The following PLEKHM2 variants were observed in gnomAD, a reference collection of about 807,000 sequenced individuals.
The protein encoded by PLEKHM2 is pleckstrin homology and RUN domain containing M2.
PLEKHM2 carries 77 observed loss-of-function variants against 116.3 expected under a neutral mutation model. The observed-to-expected ratio is 0.66, with a 90% CI of 0.55 to 0.80. The LOEUF (loss-of-function observed/expected upper bound fraction) is 0.80. PLEKHM2 is among the 30% of genes least tolerant of loss of function. The pLI is 0.00. For missense variants in PLEKHM2, 1,183 were observed against 1,354.9 expected, an observed-to-expected ratio of 0.87 and a Z score of 1.99; for synonymous variants, 562 against 571.0, an observed-to-expected ratio of 0.98 and a Z score of 0.22.
chr1:15,716,258 T>A lies in PLEKHM2; in HGVS notation c.82T>A (p.Cys28Ser). 6.3e-7 allele frequency: 1 copy of A among 1,599,134 alleles called. No individual in the cohort carries two copies. Among genetic ancestry groups the A allele is most frequent in the Non-Finnish European group, 8.5e-7 (1 of 1,171,922 alleles). ...TCAGTTGCAGAGCTATTTTGCTGCA[T>A]GTGAGGATGAGATCCCTGCCATCCG... Reference protein sequence around the residue: ...VKKLQSYFAACEDEIPAIRNH... With the variant: ...VKKLQSYFAASEDEIPAIRNH... The change falls in exon 2 of 20, where the codon TGT (cysteine) becomes AGT (serine). Residue 28 changes from cysteine to serine, a missense_variant. By Grantham distance (112) the Cys-to-Ser change is moderately radical (BLOSUM62 -1). Around this residue, in one of 3 missense-constraint regions of PLEKHM2, gnomAD observed 217 missense variants for 277.6 expected, o/e 0.78. Transcript: ENST00000375799.
At chr1:15,704,716 C>T (rs1347910610) in intron 1 of PLEKHM2, among the ~76,000 whole-genome samples, 1 of 152,222 alleles carries the variant, frequency 6.6e-6, no homozygotes, top group African/African-American at 2.4e-5. Context: ...CGCCCCTGCG[C>T]CCATGTGCTT....
chr1:15,713,409 C>G (rs1390539071), intron 1 of PLEKHM2, among the ~76,000 whole-genome samples: 1 of 152,056 alleles, frequency 6.6e-6, no homozygotes, highest in Admixed American at 6.6e-5. Context: ...CTCTGTGTTG[C>G]TTCCATTTTT....
At chr1:15,722,072 T>C (rs2068003488) in intron 7 of PLEKHM2, among the ~76,000 whole-genome samples, 1 of 152,262 alleles carries the variant, frequency 6.6e-6, no homozygotes, top group South Asian at 2.1e-4. Context: ...GCAAAGGCTA[T>C]GTTGCCAATA....
chr1:15,731,912 G>A lies in PLEKHM2; in HGVS notation c.2489G>A (p.Arg830Gln), dbSNP rs749342204. 8.1e-6 allele frequency: 13 copies of A among 1,610,972 alleles called. No homozygotes were observed. Among genetic ancestry groups the A allele is most frequent in the East Asian group, 4.5e-5 (2 of 44,858 alleles). ...AGGGGGGAGCAGTGCGGTGGCTGCC[G>A]GAGAGCCAACACCACGGATCGGCCC... ...NMGGEQCGGCRRANTTDRPHA... is the reference protein window; with the variant it reads ...NMGGEQCGGCQRANTTDRPHA... Residue 830 changes from arginine to glutamine, a missense_variant, in exon 17 of 20, where the codon CGG becomes CAG. Around this residue, in one of 3 missense-constraint regions of PLEKHM2, gnomAD observed 594 missense variants for 720.1 expected, o/e 0.82. Coordinates refer to ENST00000375799, the MANE Select transcript of PLEKHM2 (RefSeq NM_015164.4).
At position 15,729,780 on chromosome 1, in the gene PLEKHM2, C is replaced by T. The variant is rs759914596; in HGVS notation, c.2076-17C>T. ...CTGTTCCCAGGCCTCTAACCACAAA[C>T]CTCACTCCCTATGCAGGTTCTTTTT... is the stretch of plus-strand genomic sequence containing the variant. On this transcript the variant is annotated splice_polypyrimidine_tract_variant and intron_variant, in intron 13 of 19. Transcript: ENST00000375799. The surrounding 1 kb of genome is among the most constrained non-coding windows in gnomAD (Gnocchi z 4.7). 3.1e-6 allele frequency: 5 copies of T among 1,605,096 alleles called. No homozygotes were observed. In the South Asian group the frequency reaches 5.6e-5, roughly 18 times the overall value.
At chr1:15,685,557 A>AAG (rs1553157088) in intron 1 of PLEKHM2, among the ~76,000 whole-genome samples, 8 of 148,012 alleles carry the variant, frequency 5.4e-5, no homozygotes, top group African/African-American at 1.8e-4. Context: ...AAAAAAAAAA[A>AAG]AAAGAAAGAA....
chr1:15,729,879 A>G lies in PLEKHM2; in HGVS notation c.2158A>G (p.Met720Val). The change falls in exon 14 of 20, where the codon ATG becomes GTG. Residue 720 changes from methionine to valine, a missense_variant. Physicochemically the swap from Met to Val is conservative, Grantham distance 21. Coordinates refer to ENST00000375799, the MANE Select transcript of PLEKHM2 (RefSeq NM_015164.4). This position sits in a 1 kb window ranked among gnomAD's most constrained non-coding sequence, Gnocchi z 4.7. Reference protein sequence around the residue: ...PYPSILTDATMEKLALAKFVA... With the variant: ...PYPSILTDATVEKLALAKFVA... ...CCCCAGCATCCTGACGGATGCCACCATGGAGAAGCTGGCACTGGCCAAATT... is the reference window on the plus strand; with the variant it reads ...CCCCAGCATCCTGACGGATGCCACCGTGGAGAAGCTGGCACTGGCCAAATT... 6.2e-7 allele frequency: 1 copy of G among 1,612,140 alleles called. No homozygotes were observed. Among genetic ancestry groups the G allele is most frequent in the Non-Finnish European group, 8.5e-7 (1 of 1,178,676 alleles).
At position 15,732,699 on chromosome 1, in the gene PLEKHM2, C is replaced by T. The variant is rs2068163921; in HGVS notation, c.2893C>T (p.Leu965=). The T allele has an allele frequency of 6.2e-7, 1 of 1,610,044 alleles. No homozygotes were observed. The highest frequency in any genetic ancestry group is 8.5e-7 in the Non-Finnish European group (1 of 1,178,192). ...TSELDRLLSA[L]NSGWKTIYQV... is the part of the protein sequence containing the mutation. Reference sequence around the variant, plus strand: ...TGAACTGGACCGATTGCTGTCTGCACTGAACTCTGGGTGGAAAACCATCTA... The same window carrying T: ...TGAACTGGACCGATTGCTGTCTGCATTGAACTCTGGGTGGAAAACCATCTA... The change falls in exon 19 of 20, where the codon CTG becomes TTG. Residue 965 remains leucine (L), a synonymous_variant. Coordinates refer to ENST00000375799, the MANE Select transcript of PLEKHM2 (RefSeq NM_015164.4).
intron 1 of PLEKHM2, among the ~76,000 whole-genome samples, chr1:15,696,583 T>C (rs1328668974): frequency 3.3e-5 from 5 of 152,074 alleles, no homozygotes; most frequent in Admixed American, 3.3e-4. Context: ...ACTCCTGACC[T>C]CAGGTGATCC....
Position 15,731,962 on chromosome 1 carries a change from G to C in PLEKHM2, c.2539G>C (p.Asp847His). 6.2e-7 allele frequency: 1 copy of C among 1,612,144 alleles called. No homozygotes were observed. The highest frequency in any genetic ancestry group is 8.5e-7 in the Non-Finnish European group (1 of 1,179,560). ...CCACGCCTTCCAGGTCATTCTCTCC[G>C]ACCGGCCCTGCCTGGAGCTAAGTGC... is the stretch of plus-strand genomic sequence containing the variant. ...RPHAFQVILS[D>H]RPCLELSAES... The change falls in exon 17 of 20, where the codon GAC (aspartate) becomes CAC (histidine). Residue 847 changes from aspartate (D) to histidine (H), a missense_variant. Transcript: ENST00000375799.
chr1:15,681,592 T>G (rs749910059), upstream of PLEKHM2: 2 of 475,270 alleles, frequency 4.2e-6, no homozygotes, highest in Admixed American at 4.5e-5. Flanking sequence ...TTTGGGGGAC[T>G]GCATTTTCAT....
rs773551614 is a variant in PLEKHM2 at position 15,716,853 on chromosome 1, G to C, written c.277+37G>C. On this transcript the variant is annotated intron_variant, in intron 3 of 19. Transcript: ENST00000375799. Reference sequence around the variant, plus strand: ...CAAGGAGACGCTGGGGAAGGGACCAGCTCCACCTTCGGTGGGTAGCTTGGG... The same window carrying C: ...CAAGGAGACGCTGGGGAAGGGACCACCTCCACCTTCGGTGGGTAGCTTGGG... 27 of 1,549,842 alleles carry C rather than the reference G, an allele frequency of 1.7e-5. No individual in the cohort carries two copies. The South Asian group carries it at 2.4e-4, about 14-fold the overall frequency.
At chr1:15,723,732 G>A (rs933604990) in intron 7 of PLEKHM2, among the ~76,000 whole-genome samples, 3 of 136,934 alleles carry the variant, frequency 2.2e-5, no homozygotes, top group Non-Finnish European at 3.1e-5. Flanking sequence ...GCGACACAGC[G>A]AGACCCTGTC....
chr1:15,686,751 C>T (rs12086234), intron 1 of PLEKHM2, among the ~76,000 whole-genome samples: 5,702 of 151,736 alleles, frequency 0.038, 365 homozygotes, highest in African/African-American at 0.13. Context: ...TGGGTTCACA[C>T]CATTCTCCTG....
At chr1:15,730,775 C>A in intron 15 of PLEKHM2, 53 bp downstream of exon 15, 1 of 1,437,244 alleles carries the variant, frequency 7.0e-7, no homozygotes, top group Non-Finnish European at 9.5e-7. Flanking sequence ...GGTGGCTGGG[C>A]TGTCAGGTCC....
At chr1:15,684,217 C>G (rs1357708219), upstream of PLEKHM2, 1 of 151,948 alleles carries the variant, frequency 6.6e-6, no homozygotes, top group Non-Finnish European at 1.5e-5. Context: ...GGGCCGCGGC[C>G]AAGGGTCTGT....
chr1:15,695,480 T>C (rs977292955), intron 1 of PLEKHM2, among the ~76,000 whole-genome samples: 1 of 152,182 alleles, frequency 6.6e-6, no homozygotes, highest in Non-Finnish European at 1.5e-5. Context: ...ATGTGTTTCC[T>C]GGGTCAGTGG....
Position 15,684,457 on chromosome 1 carries a change from C to T in PLEKHM2, c.-102C>T, listed in dbSNP as rs1447358897. ...CGGCACGACGGAGCCCCCGTACGGC[C>T]GGCGGCAGCGGTTGGCGGCGGCCCC... is the stretch of plus-strand genomic sequence containing the variant. On this transcript the variant is annotated 5_prime_UTR_variant, in exon 1 of 20. Transcript: ENST00000375799. 3.2e-6 allele frequency: 2 copies of T among 624,436 alleles called. No homozygotes were observed. Among genetic ancestry groups the T allele is most frequent in the East Asian group, 1.4e-4 (1 of 6,982 alleles). 38.7% of individuals were successfully genotyped at this position (624,436 alleles called of 1,614,324 possible).
intron 1 of PLEKHM2, among the ~76,000 whole-genome samples, chr1:15,692,824 CCTT>C (rs1467199425): frequency 1.3e-5 from 2 of 152,138 alleles, no homozygotes; most frequent in Admixed American, 6.5e-5. Flanking sequence ...ACTGCAACCT[CCTT>C]CTCCCTGGTT....
Sources: gnomAD v4.1 joint callset for allele counts (sites outside exome capture counted in the v4.1 genomes callset) on GRCh38, gnomAD v4.1.1 for gene constraint, gnomAD v4.1.1 regional missense constraint, Gnocchi (gnomAD v3.1) non-coding constraint, MANE v1.5 for transcripts, NCBI Gene and HGNC (gene_info 2026-07-23, HGNC 2026-07-21) for gene names.